The following CNTNAP2 variants were observed in gnomAD, a reference collection of about 807,000 sequenced individuals.
CNTNAP2 encodes contactin associated protein 2, also known as contactin-associated protein-like 2.
A neutral mutation model predicts 155.2 loss-of-function variants in CNTNAP2; 98 were observed. The ratio of observed to expected loss-of-function variants is 0.63; its 90% CI spans 0.54 to 0.75. The LOEUF is 0.75. Among genes scored for constraint, CNTNAP2 ranks in the 30% least tolerant of loss-of-function variants. CNTNAP2 has a pLI of 0.00. For missense variants in CNTNAP2, 1,727 were observed against 1,688.1 expected, an observed-to-expected ratio of 1.02 and a Z score of -0.40; for synonymous variants, 651 against 631.2, an observed-to-expected ratio of 1.03 and a Z score of -0.47.
intron 1 of CNTNAP2, among the ~76,000 whole-genome samples, chr7:146,464,827 A>C (rs1796692008): frequency 6.6e-6 from 1 of 152,160 alleles, no homozygotes; most frequent in African/African-American, 2.4e-5. Context: ...TGGCTGGGCA[A>C]GCGGGAATGA....
At chr7:148,329,723 C>T (rs1797952776) in intron 21 of CNTNAP2, among the ~76,000 whole-genome samples, 1 of 152,248 alleles carries the variant, frequency 6.6e-6, no homozygotes, top group Non-Finnish European at 1.5e-5. Flanking sequence ...TGGGATCATT[C>T]TCCCTCACAG....
chr7:146,451,015 T>C (rs555531037), intron 1 of CNTNAP2, among the ~76,000 whole-genome samples: 15 of 152,166 alleles, frequency 9.9e-5, no homozygotes, highest in South Asian at 4.1e-4. Context: ...GGCGTGGTCT[T>C]GGCTCACTGC....
chr7:147,647,982 A>C (rs1020644128), intron 13 of CNTNAP2, among the ~76,000 whole-genome samples: 1 of 152,178 alleles, frequency 6.6e-6, no homozygotes, highest in African/African-American at 2.4e-5. Context: ...GTTTCATGTC[A>C]GTGGAGTTTG....
At chr7:148,115,105 T>G (rs1490667256) in intron 15 of CNTNAP2, among the ~76,000 whole-genome samples, 1 of 152,228 alleles carries the variant, frequency 6.6e-6, no homozygotes, top group East Asian at 1.9e-4. Context: ...TCCCCGTGAA[T>G]GAGTCTATTC....
At chr7:146,708,298 T>C (rs943653988) in intron 1 of CNTNAP2, among the ~76,000 whole-genome samples, 4 of 152,080 alleles carry the variant, frequency 2.6e-5, no homozygotes, top group Admixed American at 6.6e-5. Flanking sequence ...CCTTCAATGA[T>C]ACATGTTTAA....
At chr7:146,352,750 G>GTTTTGTTTTTTTTTTTTTT (rs1794934626) in intron 1 of CNTNAP2, among the ~76,000 whole-genome samples, 1 of 64,338 alleles carries the variant, frequency 1.6e-5, no homozygotes, top group Non-Finnish European at 2.9e-5. Flanking sequence ...GCATAATTCT[G>GTTTTGTTTTTTTTTTTTTT]TTTTTTTTTT....
intron 1 of CNTNAP2, among the ~76,000 whole-genome samples, chr7:146,295,436 A>G (rs931189526): frequency 2.0e-5 from 3 of 152,142 alleles, no homozygotes; most frequent in African/African-American, 7.2e-5. Flanking sequence ...CTTGTTGTTC[A>G]TAAAGATGTA....
At chr7:147,501,458 G>A (rs1798810515) in intron 11 of CNTNAP2, among the ~76,000 whole-genome samples, 1 of 152,162 alleles carries the variant, frequency 6.6e-6, no homozygotes, top group South Asian at 2.1e-4. Context: ...GTTTGCAGAT[G>A]ACATGCTCTT....
chr7:147,815,369 A>G (rs185058877), intron 13 of CNTNAP2, among the ~76,000 whole-genome samples: 1 of 152,298 alleles, frequency 6.6e-6, no homozygotes, highest in Admixed American at 6.5e-5. Context: ...TGTTGGCAGA[A>G]TCCAGTTCCA....
At chr7:147,661,503 T>C (rs1190152933) in intron 13 of CNTNAP2, among the ~76,000 whole-genome samples, 1 of 152,090 alleles carries the variant, frequency 6.6e-6, no homozygotes, top group Non-Finnish European at 1.5e-5. Context: ...AAAATTCCTC[T>C]GTTCTGATTT....
chr7:147,362,989 G>T (rs1184305072), intron 9 of CNTNAP2, among the ~76,000 whole-genome samples: 1 of 152,190 alleles, frequency 6.6e-6, no homozygotes, highest in African/African-American at 2.4e-5. Context: ...AGTGATGACT[G>T]AATCAGATTT....
chr7:146,276,228 A>C (rs537591604), intron 1 of CNTNAP2, among the ~76,000 whole-genome samples: 4 of 152,360 alleles, frequency 2.6e-5, no homozygotes, highest in African/African-American at 9.6e-5. Context: ...AATTAGAACC[A>C]GACATTTATT....
At chr7:146,309,031 C>T (rs1800772493) in intron 1 of CNTNAP2, among the ~76,000 whole-genome samples, 2 of 152,152 alleles carry the variant, frequency 1.3e-5, no homozygotes, top group East Asian at 3.9e-4. Flanking sequence ...AAACAACAGA[C>T]TATCTTTTAA....
intron 21 of CNTNAP2, among the ~76,000 whole-genome samples, chr7:148,273,941 C>A (rs1012295324): frequency 6.6e-6 from 1 of 152,148 alleles, no homozygotes. Flanking sequence ...CTTTCTGGAG[C>A]TTTGGCAAAG....
chr7:147,307,162 G>A (rs35538572), intron 9 of CNTNAP2, among the ~76,000 whole-genome samples: 5,255 of 152,248 alleles, frequency 0.035, 123 homozygotes, highest in South Asian at 0.052. Flanking sequence ...AACATGAAAA[G>A]TTGAAGAGAA....
chr7:147,048,751 C>A (rs1799415839), intron 4 of CNTNAP2, among the ~76,000 whole-genome samples: 1 of 152,046 alleles, frequency 6.6e-6, no homozygotes, highest in Non-Finnish European at 1.5e-5. Flanking sequence ...TGACTACTGG[C>A]TACCATATTA....
At chr7:146,163,652 G>T (rs1228391424) in intron 1 of CNTNAP2, among the ~76,000 whole-genome samples, 1 of 149,348 alleles carries the variant, frequency 6.7e-6, no homozygotes, top group African/African-American at 2.5e-5. Flanking sequence ...GGAAGCTAAG[G>T]TAGGAGAATC....
At chr7:146,385,447 T>C (rs1337738057) in intron 1 of CNTNAP2, among the ~76,000 whole-genome samples, 1 of 152,168 alleles carries the variant, frequency 6.6e-6, no homozygotes, top group African/African-American at 2.4e-5. Context: ...TCAAGTGACA[T>C]ATATGAATGT....
chr7:146,807,259 T>G (rs1260040596), intron 2 of CNTNAP2, among the ~76,000 whole-genome samples: 1 of 152,198 alleles, frequency 6.6e-6, no homozygotes, highest in Non-Finnish European at 1.5e-5. Context: ...AACTGTATAT[T>G]CTCATTTGTA....
Sources: gnomAD v4.1 joint callset for allele counts (sites outside exome capture counted in the v4.1 genomes callset) on GRCh38, gnomAD v4.1.1 for gene constraint, MANE v1.5 for transcripts, NCBI Gene and HGNC (gene_info 2026-07-23, HGNC 2026-07-21) for gene names.